DOT1L: variants seen among roughly 807,000 people sequenced by gnomAD.
DOT1L encodes DOT1 like histone lysine methyltransferase, also known as histone-lysine N-methyltransferase, H3 lysine-79 specific.
A neutral mutation model predicts 153.3 loss-of-function variants in DOT1L; 33 were observed. The ratio of observed to expected loss-of-function variants is 0.22; its 90% confidence interval spans 0.16 to 0.29. DOT1L has a LOEUF of 0.29. Among genes scored for constraint, DOT1L ranks in the 10% least tolerant of loss-of-function variants. The pLI, the probability that DOT1L is intolerant of heterozygous loss-of-function variation, is 1.00. For synonymous variants in DOT1L, 1,135 were observed against 965.1 expected (o/e 1.18, Z -3.26); for missense variants, 1,847 against 2,119.9 (o/e 0.87, Z 2.53).
chr19:2,221,603 C>T (rs2024117309), intron 23 of DOT1L: 2 of 259,492 alleles, frequency 7.7e-6, no homozygotes, highest in Admixed American at 4.9e-5. Flanking sequence ...GGGAGGGAGG[C>T]CACGCAGCCA....
chr19:2,229,257 G>C (rs779609262), intron 27 of DOT1L: 47 of 985,352 alleles, frequency 4.8e-5, no homozygotes, highest in Admixed American at 6.1e-5. Context: ...TTGGCCACCC[G>C]TGCCCTCCAG....
At chr19:2,227,538 C>T (rs2024403569) in intron 27 of DOT1L, 2 of 583,992 alleles carry the variant, frequency 3.4e-6, no homozygotes, top group Non-Finnish European at 5.4e-6. Context: ...CGGCCTGGCC[C>T]TGGGGCTGCT....
Position 2,211,220 on chromosome 19 carries a change from C to T in DOT1L, c.1465+8C>T, listed in dbSNP as rs773730370. The T allele has an allele frequency of 1.8e-5, 28 of 1,592,872 alleles. No homozygotes were observed. Among genetic ancestry groups the T allele is most frequent in the South Asian group, 5.5e-5 (5 of 90,252 alleles). On this transcript the variant is annotated splice_region_variant and intron_variant, in intron 15 of 27. Transcript: ENST00000398665. ...CGCTGCAGAAGCTTCTAGGTGAGCC[C>T]GTGTGAGGCGTCCGGCGAAGGGTTC... is the stretch of plus-strand genomic sequence containing the variant.
intron 9 of DOT1L, among the ~76,000 whole-genome samples, chr19:2,206,123 G>C (rs2023481168): frequency 6.6e-6 from 1 of 151,592 alleles, no homozygotes; most frequent in South Asian, 2.1e-4. Flanking sequence ...TCAGCCTCCC[G>C]AGTAGCTGGG....
At chr19:2,167,023 A>T (rs115147517) in intron 1 of DOT1L, among the ~76,000 whole-genome samples, 1 of 152,128 alleles carries the variant, frequency 6.6e-6, no homozygotes, top group Admixed American at 6.6e-5. Flanking sequence ...GCAGGTTTCA[A>T]AAGTTACCCC....
At position 2,189,770 on chromosome 19, in the gene DOT1L, G is replaced by A. The variant is rs2144736488; in HGVS notation, c.239G>A (p.Arg80His). The A allele has an allele frequency of 6.2e-7, 1 of 1,612,058 alleles. No homozygotes were observed. Among genetic ancestry groups the A allele is most frequent in the Non-Finnish European group, 8.5e-7 (1 of 1,179,992 alleles). ...SMQRLCDKYN[R>H]AIDSIHQLWK... ...CAGAGGCTCTGCGACAAGTACAACCGTGCCATCGACAGCATCCACCAGCTG... is the reference window on the plus strand; with the variant it reads ...CAGAGGCTCTGCGACAAGTACAACCATGCCATCGACAGCATCCACCAGCTG... The change falls in exon 4 of 28, where the codon CGT becomes CAT. Residue 80 changes from arginine to histidine, a missense_variant. Around this residue, in one of 8 missense-constraint regions of DOT1L, gnomAD observed 148 missense variants for 422.3 expected, o/e 0.35. Coordinates refer to ENST00000398665, the MANE Select transcript of DOT1L (RefSeq NM_032482.3).
chr19:2,229,902 A>G lies in DOT1L; in HGVS notation c.*110A>G, dbSNP rs1599634954. The G allele has an allele frequency of 1.9e-6, 3 of 1,597,294 alleles. No homozygotes were observed. The highest frequency in any genetic ancestry group is 2.6e-6 in the Non-Finnish European group (3 of 1,170,262). The stretch of plus-strand genomic sequence containing the variant: ...CTCCCACCCCTGGACGGCAGAGGCA[A>G]GGACGGACGGGAGCTCCACTGTGAA... On this transcript the variant is annotated 3_prime_UTR_variant, in exon 28 of 28. Coordinates refer to ENST00000398665, the MANE Select transcript of DOT1L (RefSeq NM_032482.3).
chr19:2,185,997 C>T (rs144005263), intron 3 of DOT1L, 68 bp downstream of exon 3: 15,629 of 1,465,676 alleles, frequency 0.011, 114 homozygotes, highest in Non-Finnish European at 0.013. Flanking sequence ...GACAGGAGGA[C>T]GCATCCTATA....
At chr19:2,182,100 G>A (rs912856362) in intron 2 of DOT1L, among the ~76,000 whole-genome samples, 1 of 152,158 alleles carries the variant, frequency 6.6e-6, no homozygotes, top group Non-Finnish European at 1.5e-5. Flanking sequence ...GGTAGCAGGT[G>A]CCTATAGTCC....
At chr19:2,201,151 C>G (rs111163791) in intron 8 of DOT1L, among the ~76,000 whole-genome samples, 3 of 137,156 alleles carry the variant, frequency 2.2e-5, no homozygotes, top group African/African-American at 8.4e-5. Flanking sequence ...ATTCCTCGTC[C>G]TCCCCTCATT....
intron 1 of DOT1L, among the ~76,000 whole-genome samples, chr19:2,165,691 A>G (rs2019887151): frequency 1.3e-5 from 2 of 152,140 alleles, no homozygotes; most frequent in South Asian, 4.1e-4. Flanking sequence ...TATGACCATA[A>G]GAGTTCTAAC....
At position 2,231,071 on chromosome 19, in the gene DOT1L, C is replaced by T. The variant is rs557198837; in HGVS notation, c.*1279C>T. On this transcript the variant is annotated 3_prime_UTR_variant, in exon 28 of 28. Coordinates refer to ENST00000398665, the MANE Select transcript of DOT1L (RefSeq NM_032482.3). ...GGTGTGGAAGGAGAGGAGCTGAGGCCGGGGTGTAGCAGGCAGGCAGGGCCA... is the reference window on the plus strand; with the variant it reads ...GGTGTGGAAGGAGAGGAGCTGAGGCTGGGGTGTAGCAGGCAGGCAGGGCCA... 2.2e-4 allele frequency: 52 copies of T among 233,172 alleles called. No homozygotes were observed. The highest frequency in any genetic ancestry group is 1.0e-3 in the East Asian group (17 of 16,434). 14.4% of individuals were successfully genotyped at this position (233,172 alleles called of 1,614,324 possible). A position where few individuals can be genotyped will look rare whatever the true frequency, so the allele number is the denominator to read the frequency against.
rs987033397 is a variant in DOT1L at position 2,190,762 on chromosome 19, C to T, written c.265-250C>T. On this transcript the variant is annotated intron_variant, in intron 4 of 27. Transcript: ENST00000398665. The surrounding 1 kb of genome is among the most constrained non-coding windows in gnomAD (Gnocchi z 4.8). Reference sequence around the variant, plus strand: ...TGGTCTTGCCAGTGGGGAGAGAGGCCCGTGGCAGGAGGTGGAGCCTCCTAG... The same window carrying T: ...TGGTCTTGCCAGTGGGGAGAGAGGCTCGTGGCAGGAGGTGGAGCCTCCTAG... Among the ~76,000 whole-genome samples the T allele has an allele frequency of 6.6e-6, 1 of 151,910 alleles. No individual in the cohort carries two copies. Among genetic ancestry groups the T allele is most frequent in the Non-Finnish European group, 1.5e-5 (1 of 67,942 alleles).
Position 2,197,324 on chromosome 19 carries a change from C to A in DOT1L, c.652-2560C>A, listed in dbSNP as rs1172876138. On this transcript the variant is annotated intron_variant, in intron 7 of 27. Transcript: ENST00000398665. This position sits in a 1 kb window ranked among gnomAD's most constrained non-coding sequence, Gnocchi z 4.1. ...CCACTTGCACTCTGGCCGGAAGTTC[C>A]CACATGGGTTCCTGGCTGTGGCAGG... Among the ~76,000 whole-genome samples the A allele has an allele frequency of 6.6e-6, 1 of 152,176 alleles. No individual in the cohort carries two copies. Among genetic ancestry groups the A allele is most frequent in the African/African-American group, 2.4e-5 (1 of 41,444 alleles).
At chr19:2,202,489 C>T (rs963192643) in intron 8 of DOT1L, among the ~76,000 whole-genome samples, 41 of 152,270 alleles carry the variant, frequency 2.7e-4, no homozygotes, top group Non-Finnish European at 3.2e-4. Context: ...CCTGCCCCCT[C>T]TGTTTTTGGC....
At chr19:2,218,040 A>T (rs1048835257) in intron 22 of DOT1L, 122 bp downstream of exon 22, 3 of 1,399,062 alleles carry the variant, frequency 2.1e-6, no homozygotes, top group Non-Finnish European at 2.9e-6. Context: ...GAGGCAATGC[A>T]GTCAAGGTGG....
At chr19:2,201,294 CCTCCCTGTATTCCTCATT>C (rs2023270340) in intron 8 of DOT1L, among the ~76,000 whole-genome samples, 2 of 151,526 alleles carry the variant, frequency 1.3e-5, no homozygotes, top group African/African-American at 2.4e-5. Flanking sequence ...TGCCCGTCAT[CCTCCCTGTATTCCTCATT>C]CTCCCTGCAT....
rs556847919 is a variant in DOT1L at position 2,208,392 on chromosome 19, C to T, written c.964-543C>T. On this transcript the variant is annotated intron_variant, in intron 11 of 27. Coordinates refer to ENST00000398665, the MANE Select transcript of DOT1L (RefSeq NM_032482.3). The surrounding 1 kb of genome is among the most constrained non-coding windows in gnomAD (Gnocchi z 4.4). ...GCTCGGAGCCTCCACTAGAGCCTGC[C>T]TGGGGAGCGCTGGTGCCGTCTGGGG... Among the ~76,000 whole-genome samples the T allele has an allele frequency of 2.0e-5, 3 of 152,098 alleles. No homozygotes were observed. The highest frequency in any genetic ancestry group is 4.4e-5 in the Non-Finnish European group (3 of 67,998).
chr19:2,230,080 A>G lies in DOT1L; in HGVS notation c.*288A>G, dbSNP rs2024532608. On this transcript the variant is annotated 3_prime_UTR_variant, in exon 28 of 28. Coordinates refer to ENST00000398665, the MANE Select transcript of DOT1L (RefSeq NM_032482.3). ...AAAGGCAACTTATTGAGAAATATAAATATCTATATATGAGAGCTCTATATA... is the reference window on the plus strand; with the variant it reads ...AAAGGCAACTTATTGAGAAATATAAGTATCTATATATGAGAGCTCTATATA... 1.7e-6 allele frequency: 1 copy of G among 597,420 alleles called. No individual in the cohort carries two copies. The highest frequency in any genetic ancestry group is 1.9e-5 in the African/African-American group (1 of 53,702). The allele number at this position is 597,420 out of a possible 1,614,324, so 37.0% of individuals were successfully genotyped here. A position where few individuals can be genotyped will look rare whatever the true frequency, so the allele number is the denominator to read the frequency against.
Sources: gnomAD v4.1 joint callset for allele counts (sites outside exome capture counted in the v4.1 genomes callset) on GRCh38, gnomAD v4.1.1 for gene constraint, gnomAD v4.1.1 regional missense constraint, Gnocchi (gnomAD v3.1) non-coding constraint, MANE v1.5 for transcripts, NCBI Gene and HGNC (gene_info 2026-07-23, HGNC 2026-07-21) for gene names.